ATP6V0A1: variants seen among roughly 807,000 people sequenced by gnomAD.
The protein encoded by ATP6V0A1 is V-type proton ATPase 116 kDa subunit a 1.
ATP6V0A1 carries 43 observed loss-of-function variants against 105.4 expected under a neutral mutation model. That is an observed-to-expected ratio of 0.41 (90% CI 0.32 to 0.53). The LOEUF (loss-of-function observed/expected upper bound fraction) is 0.53. Ranked by LOEUF, ATP6V0A1 falls within the 20% of genes least tolerant of loss-of-function variation. ATP6V0A1 has a pLI of 0.30. For missense variants in ATP6V0A1, 676 were observed against 1,051.1 expected (o/e 0.64, Z 4.93); for synonymous variants, 362 against 372.8 (o/e 0.97, Z 0.33).
chr17:42,515,832 A>T (rs2092600105), intron 21 of ATP6V0A1, among the ~76,000 whole-genome samples: 1 of 152,096 alleles, frequency 6.6e-6, no homozygotes, highest in Admixed American at 6.5e-5. Flanking sequence ...ACAACAAATA[A>T]TTTTTTTAGT....
chr17:42,516,408 C>A (rs763587570), intron 21 of ATP6V0A1, among the ~76,000 whole-genome samples: 1 of 152,174 alleles, frequency 6.6e-6, no homozygotes, highest in Non-Finnish European at 1.5e-5. Context: ...CTCTCTCCCT[C>A]CTGGCCTCCC....
intron 21 of ATP6V0A1, among the ~76,000 whole-genome samples, chr17:42,516,260 G>A (rs143579820): frequency 3.3e-5 from 5 of 152,312 alleles, no homozygotes; most frequent in Non-Finnish European, 5.9e-5. Flanking sequence ...GGTGACCCCT[G>A]AGCCTCCTCA....
intron 17 of ATP6V0A1, among the ~76,000 whole-genome samples, chr17:42,504,114 T>C (rs2091872512): frequency 2.0e-5 from 3 of 152,324 alleles, no homozygotes; most frequent in East Asian, 1.9e-4. Flanking sequence ...ACTGGTTCTT[T>C]AGCCAAACAT....
intron 21 of ATP6V0A1, 24 bp downstream of exon 21, chr17:42,514,484 G>A: frequency 6.4e-7 from 1 of 1,562,016 alleles, no homozygotes; most frequent in Non-Finnish European, 8.7e-7. Flanking sequence ...GGGCAGGGCG[G>A]GCATGGGGGT....
At position 42,490,601 on chromosome 17, in the gene ATP6V0A1, G is replaced by A; in HGVS notation, c.1138G>A (p.Ala380Thr). 6.2e-7 allele frequency: 1 copy of A among 1,610,672 alleles called. No individual in the cohort carries two copies. The highest frequency in any genetic ancestry group is 1.7e-5 in the Admixed American group (1 of 59,200). ...CTATGGCTTTCAGAACATAGTAGAT[G>A]CTTATGGAATTGGAACTTACCGAGA... ...FTYGFQNIVDAYGIGTYREIN... is the reference protein window; with the variant it reads ...FTYGFQNIVDTYGIGTYREIN... Residue 380 changes from alanine (A) to threonine (T), a missense_variant, in exon 11 of 22, where the codon GCT becomes ACT. By Grantham distance (58) the Ala-to-Thr change is moderately conservative. Transcript: ENST00000343619.
At chr17:42,508,173 C>G (rs1305391709) in intron 18 of ATP6V0A1, among the ~76,000 whole-genome samples, 1 of 152,050 alleles carries the variant, frequency 6.6e-6, no homozygotes, top group African/African-American at 2.4e-5. Flanking sequence ...CTTAAGATAC[C>G]ACCTCCAAGC....
intron 2 of ATP6V0A1, among the ~76,000 whole-genome samples, chr17:42,465,047 C>T (rs986272454): frequency 2.6e-5 from 4 of 152,088 alleles, no homozygotes; most frequent in Non-Finnish European, 5.9e-5. Context: ...GGCTGGAGTG[C>T]AATGGCACGA....
Position 42,501,185 on chromosome 17 carries a change from C to T in ATP6V0A1, c.1897-12C>T, listed in dbSNP as rs1489908508. The T allele has an allele frequency of 6.2e-7, 1 of 1,601,148 alleles. No individual in the cohort carries two copies. The highest frequency in any genetic ancestry group is 8.5e-7 in the Non-Finnish European group (1 of 1,169,932). On this transcript the variant is annotated splice_polypyrimidine_tract_variant and intron_variant, in intron 16 of 21. Coordinates refer to ENST00000343619, the MANE Select transcript of ATP6V0A1 (RefSeq NM_001130021.3). ...TTATATGATGTACCTTGTCCTTCTTCTTACTCTGCAGAAAGGAATTCAGTG... is the reference window on the plus strand; with the variant it reads ...TTATATGATGTACCTTGTCCTTCTTTTTACTCTGCAGAAAGGAATTCAGTG...
intron 5 of ATP6V0A1, among the ~76,000 whole-genome samples, chr17:42,475,748 T>G (rs556713947): frequency 2.0e-5 from 3 of 152,338 alleles, no homozygotes; most frequent in Middle Eastern, 3.4e-3. Flanking sequence ...TACTTAAAAA[T>G]TTGTAACTTT....
rs1053576803 is a variant in ATP6V0A1, at chr17:42,487,046, C to G, written c.811-109C>G. 9.3e-6 allele frequency: 10 copies of G among 1,079,522 alleles called. No individual in the cohort carries two copies. In the African/African-American group the frequency reaches 1.4e-4, roughly 15 times the overall value. 66.9% of individuals were successfully genotyped at this position (1,079,522 alleles called of 1,614,324 possible). ...CATTCTAGCCAGAGGAAGAAAAAGA[C>G]AATTCCCTGGCAACTCTTTTCAGAA... On this transcript the variant is annotated intron_variant, in intron 9 of 21. Transcript: ENST00000343619.
chr17:42,516,810 G>A (rs1175376332), intron 21 of ATP6V0A1, among the ~76,000 whole-genome samples: 2 of 152,230 alleles, frequency 1.3e-5, no homozygotes, highest in African/African-American at 4.8e-5. Context: ...AGGACAGCAG[G>A]CTCCGGAATT....
chr17:42,508,354 TCAC>T (rs2092154348), intron 18 of ATP6V0A1, among the ~76,000 whole-genome samples: 2 of 152,262 alleles, frequency 1.3e-5, no homozygotes, highest in Admixed American at 1.3e-4. Flanking sequence ...AAAAAAGAAA[TCAC>T]AAGGGTTGTG....
At chr17:42,489,577 C>A (rs899123761) in intron 10 of ATP6V0A1, among the ~76,000 whole-genome samples, 1 of 152,060 alleles carries the variant, frequency 6.6e-6, no homozygotes, top group African/African-American at 2.4e-5. Flanking sequence ...ATCAATAGGG[C>A]TACCTGGTTC....
intron 19 of ATP6V0A1, chr17:42,510,583 G>C (rs1263008500): frequency 2.0e-5 from 3 of 152,374 alleles, no homozygotes; most frequent in Non-Finnish European, 4.4e-5. Flanking sequence ...GGACTAGCAA[G>C]TATTCAGCTT....
intron 2 of ATP6V0A1, among the ~76,000 whole-genome samples, chr17:42,465,223 A>C (rs903687971): frequency 6.6e-6 from 1 of 151,390 alleles, no homozygotes; most frequent in African/African-American, 2.4e-5. Flanking sequence ...CAAACTCCTG[A>C]GCTCAGATAA....
At chr17:42,487,589 G>A (rs148551739) in intron 10 of ATP6V0A1, among the ~76,000 whole-genome samples, 3,035 of 152,164 alleles carry the variant, frequency 0.02, 105 homozygotes, top group African/African-American at 0.069. Flanking sequence ...TTAGCCGGGC[G>A]TGTTGGCAGG....
intron 21 of ATP6V0A1, among the ~76,000 whole-genome samples, chr17:42,517,117 TA>T (rs1350279591): frequency 6.6e-6 from 1 of 152,066 alleles, no homozygotes; most frequent in Non-Finnish European, 1.5e-5. Flanking sequence ...CCATCTCTAC[TA>T]AAAATGCAAA....
intron 17 of ATP6V0A1, among the ~76,000 whole-genome samples, chr17:42,504,930 GAC>G (rs1426145549): frequency 6.6e-6 from 1 of 152,100 alleles, no homozygotes; most frequent in African/African-American, 2.4e-5. Context: ...TCTAGAAAAA[GAC>G]ACATGAGGAA....
chr17:42,516,187 C>T (rs147052530), intron 21 of ATP6V0A1, among the ~76,000 whole-genome samples: 107 of 152,292 alleles, frequency 7.0e-4, no homozygotes, highest in African/African-American at 2.4e-3. Flanking sequence ...GAAGAAAATC[C>T]AGCATCTGAA....
Sources: allele counts gnomAD v4.1 joint callset (sites outside exome capture counted in the v4.1 genomes callset), GRCh38; gene constraint gnomAD v4.1.1; transcripts MANE v1.5; gene names NCBI Gene and HGNC (gene_info 2026-07-23, HGNC 2026-07-21).